The following SSUH2 variants were observed in gnomAD, a reference collection of about 807,000 sequenced individuals.
The protein encoded by SSUH2 is ssu-2 homolog, also known as protein SSUH2 homolog.
Under a neutral mutation model 55.3 loss-of-function variants are expected in SSUH2, and 47 were observed. The ratio of observed to expected loss-of-function variants is 0.85; its 90% CI spans 0.67 to 1.08. The LOEUF (loss-of-function observed/expected upper bound fraction) is 1.08, where lower values mean the gene tolerates loss of function less well. Ranked by LOEUF, SSUH2 falls within the 50% of genes least tolerant of loss-of-function variation. The pLI is 0.00. For missense variants in SSUH2, 535 were observed against 490.7 expected (o/e 1.09, Z -0.85); for synonymous variants, 212 against 191.5 (o/e 1.11, Z -0.89).
chr3:8,630,388 G>A (rs1698522602), intron 6 of SSUH2, among the ~76,000 whole-genome samples: 1 of 152,222 alleles, frequency 6.6e-6, no homozygotes, highest in East Asian at 1.9e-4. Flanking sequence ...CAGGATGGAA[G>A]TCAGATTCTG....
At chr3:8,663,597 T>A (rs906603307) in intron 6 of SSUH2, 2 of 265,692 alleles carry the variant, frequency 7.5e-6, no homozygotes, top group Non-Finnish European at 1.5e-5. Flanking sequence ...GGGTGTGATA[T>A]CTCCAGCCCA....
At chr3:8,670,616 T>A (rs1358282899) in intron 5 of SSUH2, among the ~76,000 whole-genome samples, 1 of 152,048 alleles carries the variant, frequency 6.6e-6, no homozygotes. Context: ...AGGGAGTACA[T>A]GCCGTGTGAC....
rs553108634 is a variant in SSUH2, at chr3:8,671,493, G to A, written c.-610-340C>T. Among the ~76,000 whole-genome samples the A allele has an allele frequency of 2.6e-5, 4 of 151,660 alleles. No individual in the cohort carries two copies. The East Asian group carries it at 7.8e-4, about 30-fold the overall frequency. The stretch of plus-strand genomic sequence containing the variant: ...TAGGATATTATGAATAATATCAAAC[G>A]GAACCTGCCCCGTGTGACAATAAAA... On this transcript the variant is annotated intron_variant, in intron 4 of 18. Coordinates refer to the SSUH2 transcript ENST00000317371.
At chr3:8,626,098 C>G (rs1329791418) in intron 9 of SSUH2, 131 bp downstream of exon 9, 1 of 728,948 alleles carries the variant, frequency 1.4e-6, no homozygotes, top group Non-Finnish European at 2.4e-6. Context: ...GGAATTCTCC[C>G]CCTTCTAAGT....
intron 5 of SSUH2, among the ~76,000 whole-genome samples, chr3:8,666,317 C>A (rs1703987344): frequency 6.6e-6 from 1 of 152,094 alleles, no homozygotes; most frequent in Non-Finnish European, 1.5e-5. Flanking sequence ...TGCTGAGAAA[C>A]AAGATGGATA....
upstream of SSUH2, among the ~76,000 whole-genome samples, chr3:8,647,933 A>G (rs1049350762): frequency 2.0e-5 from 3 of 152,194 alleles, no homozygotes; most frequent in Non-Finnish European, 4.4e-5. Flanking sequence ...CTTGACACAA[A>G]TAAGAAACTT....
At chr3:8,639,924 G>A in intron 1 of SSUH2, 1 of 976,504 alleles carries the variant, frequency 1.0e-6, no homozygotes, top group Non-Finnish European at 1.2e-6. Context: ...GCACACGTAA[G>A]TGTTAGGGGA....
chr3:8,624,688 A>C lies in SSUH2; in HGVS notation c.873+854T>G, dbSNP rs573097672. Among the ~76,000 whole-genome samples the C allele has an allele frequency of 5.8e-4, 89 of 152,330 alleles. 1 individual carries two copies. In the South Asian group the frequency reaches 0.018, roughly 31 times the overall value. On this transcript the variant is annotated intron_variant, in intron 10 of 11. Transcript: ENST00000544814. ...TGTCATTATCCAGCTCTGTCCCACC[A>C]TCAGGAAAGCGGCCATAGACAACCT... is the stretch of plus-strand genomic sequence containing the variant.
chr3:8,635,779 T>C lies in SSUH2; in HGVS notation c.107A>G (p.Asp36Gly). The change falls in exon 2 of 12, where the codon GAC (aspartate) becomes GGC (glycine). Residue 36 changes from aspartate (D) to glycine (G), a missense_variant. Physicochemically the swap from Asp to Gly is moderately conservative, Grantham distance 94. Coordinates refer to ENST00000544814, the MANE Select transcript of SSUH2 (RefSeq NM_001256748.3). ...TELLERLPSY[D>G]WLLQGGRGQI... The stretch of plus-strand genomic sequence containing the variant: ...CTTACTGCCCCCTTGAAGAAGCCAG[T>C]CATAGCTGGGCAGTCTCTCCAGGAG... 6.5e-7 allele frequency: 1 copy of C among 1,535,700 alleles called. No individual in the cohort carries two copies. The highest frequency in any genetic ancestry group is 8.7e-7 in the Non-Finnish European group (1 of 1,146,736).
chr3:8,629,711 G>C lies in SSUH2; in HGVS notation c.541C>G (p.His181Asp), dbSNP rs1698380846. The change falls in exon 7 of 12, where the codon CAT becomes GAT. Residue 181 changes from histidine (H) to aspartate (D), a missense_variant. Physicochemically the swap from His to Asp is moderately conservative, Grantham distance 81 (BLOSUM62 -1). Transcript: ENST00000544814. ...CTGCACTTGTACCGCCCACGCCCAT[G>C]GCATTTGTGGCATTCCTGAAAGTGC... The part of the protein sequence containing the change: ...SSLVKECHKC[H>D]GRGRYKCSGC... 6.2e-7 allele frequency: 1 copy of C among 1,614,070 alleles called. No individual in the cohort carries two copies. Among genetic ancestry groups the C allele is most frequent in the Non-Finnish European group, 8.5e-7 (1 of 1,179,996 alleles).
rs1335347303 is a variant in SSUH2, at chr3:8,637,915, A to G, written c.29-2058T>C. On this transcript the variant is annotated intron_variant, in intron 1 of 11. Coordinates refer to ENST00000544814, the MANE Select transcript of SSUH2 (RefSeq NM_001256748.3). Reference sequence around the variant, plus strand: ...CCCGTAGTAGCTCTCTCCCTTCACAAAAGTAAAAATAATATACCCTGTCCC... The same window carrying G: ...CCCGTAGTAGCTCTCTCCCTTCACAGAAGTAAAAATAATATACCCTGTCCC... Among the ~76,000 whole-genome samples the G allele has an allele frequency of 2.6e-5, 4 of 152,316 alleles. No homozygotes were observed. The East Asian group carries it at 7.7e-4, about 29-fold the overall frequency.
intron 6 of SSUH2, chr3:8,663,677 T>C: frequency 5.2e-6 from 2 of 383,524 alleles, no homozygotes; most frequent in Middle Eastern, 7.4e-4. Flanking sequence ...AATGTGTTAA[T>C]TGATTAACTA....
intron 5 of SSUH2, 74 bp downstream of exon 5, chr3:8,631,975 C>T (rs1391891728): frequency 8.1e-7 from 1 of 1,235,010 alleles, no homozygotes; most frequent in African/African-American, 1.5e-5. Context: ...GTGCCTGAGC[C>T]AAGTCCTGAT....
chr3:8,652,772 T>C (rs1483361854), intron 7 of SSUH2, among the ~76,000 whole-genome samples: 3 of 152,182 alleles, frequency 2.0e-5, no homozygotes, highest in Non-Finnish European at 2.9e-5. Context: ...CTACTCATGC[T>C]CCAAGGACCA....
intron 6 of SSUH2, among the ~76,000 whole-genome samples, chr3:8,662,153 G>A (rs969711767): frequency 1.3e-5 from 2 of 152,150 alleles, no homozygotes; most frequent in Non-Finnish European, 2.9e-5. Context: ...GTTCCAATGG[G>A]AGACACTCTC....
Position 8,637,723 on chromosome 3 carries a change from T to C in SSUH2, c.29-1866A>G, listed in dbSNP as rs922375238. 2.0e-5 allele frequency among the ~76,000 whole-genome samples: 3 copies of C among 152,072 alleles called. No homozygotes were observed. In the South Asian group the frequency reaches 6.2e-4, roughly 32 times the overall value. ...CTAGTGGCCAAGTCAGTCACAGGAG[T>C]TGACTTCAAATAGTGCCTGTGAAAT... On this transcript the variant is annotated intron_variant, in intron 1 of 11. Coordinates refer to ENST00000544814, the MANE Select transcript of SSUH2 (RefSeq NM_001256748.3).
exon 3 of SSUH2, chr3:8,677,297 C>T (rs1705488848): frequency 6.6e-6 from 1 of 151,474 alleles, no homozygotes; most frequent in Non-Finnish European, 1.5e-5. Context: ...CAACAGGGGT[C>T]CGAACTCAGC....
rs546486763 is a variant in SSUH2, at chr3:8,635,758, C to T, written c.127+1G>A. ...AAGAACCAAGCCCTCTTGGAACTTACTGCCCCCTTGAAGAAGCCAGTCATA... is the reference window on the plus strand; with the variant it reads ...AAGAACCAAGCCCTCTTGGAACTTATTGCCCCCTTGAAGAAGCCAGTCATA... On this transcript the variant is annotated splice_donor_variant, in intron 2 of 11. Transcript: ENST00000544814. LOFTEE classifies it high-confidence loss of function. 10 of 1,535,176 alleles carry T rather than the reference C, an allele frequency of 6.5e-6. No homozygotes were observed. In the African/African-American group the frequency reaches 1.4e-4, roughly 21 times the overall value.
chr3:8,625,988 C>A (rs373201662), intron 9 of SSUH2, among the ~76,000 whole-genome samples: 1 of 152,180 alleles, frequency 6.6e-6, no homozygotes, highest in Admixed American at 6.5e-5. Flanking sequence ...AGTTGTGGAG[C>A]GGCTGCTGCC....
Sources: gnomAD v4.1 joint callset for allele counts (sites outside exome capture counted in the v4.1 genomes callset) on GRCh38, gnomAD v4.1.1 for gene constraint, MANE v1.5 for transcripts, NCBI Gene and HGNC (gene_info 2026-07-23, HGNC 2026-07-21) for gene names.